ADD3: variants seen among roughly 807,000 people sequenced by gnomAD.
ADD3 encodes gamma-adducin.
Under a neutral mutation model 80.2 loss-of-function variants are expected in ADD3, and 25 were observed. The observed-to-expected ratio is 0.31, with a 90% CI of 0.23 to 0.44. ADD3 has a LOEUF of 0.44. Ranked by LOEUF, ADD3 falls within the 20% of genes least tolerant of loss-of-function variation. The probability of loss-of-function intolerance (pLI) is 1.00; values close to 1 mark genes in which losing one functional copy is unlikely to be tolerated. For missense variants in ADD3, 829 were observed against 847.5 expected (o/e 0.98, Z 0.27); for synonymous variants, 284 against 289.6 (o/e 0.98, Z 0.20).
intron 1 of ADD3, among the ~76,000 whole-genome samples, chr10:110,062,025 G>A (rs1042625846): frequency 2.0e-5 from 3 of 151,708 alleles, no homozygotes; most frequent in African/African-American, 4.8e-5. Context: ...CCAGAAATTC[G>A]AGGCTAGCCT....
At chr10:110,125,239 G>T (rs1386298150) in intron 10 of ADD3, among the ~76,000 whole-genome samples, 1 of 152,148 alleles carries the variant, frequency 6.6e-6, no homozygotes, top group Non-Finnish European at 1.5e-5. Flanking sequence ...ATCGAGATTC[G>T]CTTTCTTTAA....
intron 14 of ADD3, 91 bp downstream of exon 14, chr10:110,132,491 C>A: frequency 1.4e-6 from 1 of 727,290 alleles, no homozygotes; most frequent in South Asian, 1.7e-5. Flanking sequence ...AGTTGAATAC[C>A]TCATCACAGT....
intron 9 of ADD3, among the ~76,000 whole-genome samples, chr10:110,122,561 T>C (rs1284674253): frequency 6.6e-6 from 1 of 152,142 alleles, no homozygotes; most frequent in East Asian, 1.9e-4. Flanking sequence ...ACTGAAATTT[T>C]GTATCCTTTG....
At chr10:110,084,232 T>G (rs1846419266) in intron 1 of ADD3, among the ~76,000 whole-genome samples, 1 of 152,208 alleles carries the variant, frequency 6.6e-6, no homozygotes, top group Admixed American at 6.5e-5. Context: ...TCTCATTATT[T>G]TAAAATAGTA....
chr10:110,042,954 C>G (rs969534267), intron 1 of ADD3, among the ~76,000 whole-genome samples: 2 of 152,020 alleles, frequency 1.3e-5, no homozygotes, highest in Non-Finnish European at 2.9e-5. Flanking sequence ...TTCAGAGTTT[C>G]GGTGGGTCAT....
intron 1 of ADD3, among the ~76,000 whole-genome samples, chr10:110,000,043 C>T (rs1030146570): frequency 6.6e-6 from 1 of 152,012 alleles, no homozygotes; most frequent in African/African-American, 2.4e-5. Context: ...CCTCAGCCTC[C>T]TGAGTAGCTG....
intron 1 of ADD3, among the ~76,000 whole-genome samples, chr10:110,014,639 G>A: frequency 6.6e-6 from 1 of 151,836 alleles, no homozygotes; most frequent in East Asian, 1.9e-4. Context: ...GGATTCTCCT[G>A]CCTCAGCCTT....
At chr10:110,044,620 G>A (rs777446613) in intron 1 of ADD3, among the ~76,000 whole-genome samples, 14 of 152,320 alleles carry the variant, frequency 9.2e-5, no homozygotes, top group South Asian at 2.1e-4. Flanking sequence ...GATACAGTTA[G>A]TGATGTAATG....
At chr10:110,045,227 G>A (rs550127421) in intron 1 of ADD3, among the ~76,000 whole-genome samples, 12 of 152,174 alleles carry the variant, frequency 7.9e-5, no homozygotes, top group East Asian at 1.9e-4. Flanking sequence ...GGTGGCGTGC[G>A]CCTGTAGTCC....
intron 1 of ADD3, among the ~76,000 whole-genome samples, chr10:110,070,507 GAATA>G (rs1294584910): frequency 1.3e-5 from 2 of 152,182 alleles, no homozygotes; most frequent in Non-Finnish European, 2.9e-5. Context: ...AGGTTGCAGA[GAATA>G]AATTGATACT....
chr10:110,118,990 T>C (rs903254786), intron 6 of ADD3, among the ~76,000 whole-genome samples: 13 of 152,210 alleles, frequency 8.5e-5, no homozygotes, highest in African/African-American at 3.1e-4. Context: ...GCTTCTTTCA[T>C]AATATTTGAC....
At chr10:110,111,524 T>G (rs1309880922) in intron 2 of ADD3, among the ~76,000 whole-genome samples, 1 of 152,160 alleles carries the variant, frequency 6.6e-6, no homozygotes, top group Non-Finnish European at 1.5e-5. Flanking sequence ...GATTTTGATC[T>G]CTATAAACAC....
upstream of ADD3, among the ~76,000 whole-genome samples, chr10:110,006,476 A>T (rs1851644711): frequency 6.6e-6 from 1 of 152,210 alleles, no homozygotes; most frequent in Non-Finnish European, 1.5e-5. Flanking sequence ...TAAATACCAA[A>T]TAAAATGTCA....
Position 109,996,862 on chromosome 10 carries a change from G to A in ADD3, n.79+416G>A, listed in dbSNP as rs144566842. On this transcript the variant is annotated intron_variant and non_coding_transcript_variant, in intron 1 of 5. Transcript: ENST00000468251. Reference sequence around the variant, plus strand: ...AGCCATGGAGCTCTTCACTCTCTTCGGCCTCAATGAATTGTGCTGTTCAGG... The same window carrying A: ...AGCCATGGAGCTCTTCACTCTCTTCAGCCTCAATGAATTGTGCTGTTCAGG... 5.3e-5 allele frequency among the ~76,000 whole-genome samples: 8 copies of A among 152,214 alleles called. No individual in the cohort carries two copies. In the East Asian group the frequency reaches 7.7e-4, roughly 15 times the overall value.
At chr10:110,084,255 G>C (rs866765351) in intron 1 of ADD3, among the ~76,000 whole-genome samples, 3 of 152,152 alleles carry the variant, frequency 2.0e-5, no homozygotes, top group South Asian at 2.1e-4. Context: ...AATTGTTTTA[G>C]ATTCTTATGG....
intron 1 of ADD3, among the ~76,000 whole-genome samples, chr10:110,085,156 A>G (rs1362337182): frequency 6.6e-6 from 1 of 152,302 alleles, no homozygotes; most frequent in Admixed American, 6.5e-5. Flanking sequence ...GTTCATATCA[A>G]CTAGGCCTAC....
chr10:110,097,844 G>A (rs1227200559), intron 1 of ADD3, among the ~76,000 whole-genome samples: 2 of 147,520 alleles, frequency 1.4e-5, no homozygotes, highest in Admixed American at 6.8e-5. Context: ...GTGTGATCTC[G>A]GCTCACTGCA....
rs1212727619 is a variant in ADD3 at position 110,130,442 on chromosome 10, A to C, written c.1688A>C (p.Glu563Ala). 6.8e-6 allele frequency: 11 copies of C among 1,614,142 alleles called. No homozygotes were observed. Among genetic ancestry groups the C allele is most frequent in the Non-Finnish European group, 9.3e-6 (11 of 1,179,998 alleles). ...PFSHLTEGEL[E>A]EYKRTIERKQ... ...AGTCATCTCACAGAAGGAGAACTTG[A>C]AGAGTATAAGAGGACAATCGAACGT... The change falls in exon 13 of 15, where the codon GAA becomes GCA. Residue 563 changes from glutamate (E) to alanine (A), a missense_variant. Transcript: ENST00000356080.
At chr10:110,057,110 G>A (rs948765962) in intron 1 of ADD3, among the ~76,000 whole-genome samples, 1 of 152,116 alleles carries the variant, frequency 6.6e-6, no homozygotes, top group African/African-American at 2.4e-5. Flanking sequence ...TAAGAGATGG[G>A]CTGGGGTTAG....
Sources: gnomAD v4.1 joint callset for allele counts (sites outside exome capture counted in the v4.1 genomes callset) on GRCh38, gnomAD v4.1.1 for gene constraint, MANE v1.5 for transcripts, NCBI Gene and HGNC (gene_info 2026-07-23, HGNC 2026-07-21) for gene names.